The following FAM13C variants were observed in gnomAD, a reference collection of about 807,000 sequenced individuals.
FAM13C encodes family with sequence similarity 13 member C, also known as protein FAM13C.
Under a neutral mutation model 73.2 loss-of-function variants are expected in FAM13C, and 37 were observed. The ratio of observed to expected loss-of-function variants is 0.51; its 90% CI spans 0.39 to 0.67. FAM13C has a LOEUF of 0.67. Ranked by LOEUF, FAM13C falls within the 30% of genes least tolerant of loss-of-function variation. The pLI, the probability that FAM13C is intolerant of heterozygous loss-of-function variation, is 0.00. For missense variants in FAM13C, 589 were observed against 715.6 expected (o/e 0.82, Z 2.02); for synonymous variants, 246 against 260.9 (o/e 0.94, Z 0.55).
chr10:59,279,745 A>G (rs148166878), intron 6 of FAM13C, among the ~76,000 whole-genome samples: 70 of 152,368 alleles, frequency 4.6e-4, no homozygotes, highest in African/African-American at 1.7e-3. Flanking sequence ...CTTCAGCTGT[A>G]AGAAGATATT....
chr10:59,330,179 ATT>A (rs1451904107), intron 3 of FAM13C, among the ~76,000 whole-genome samples: 1 of 152,222 alleles, frequency 6.6e-6, no homozygotes, highest in Non-Finnish European at 1.5e-5. Flanking sequence ...CTTAAAAGTG[ATT>A]TAATACTTTA....
At position 59,302,879 on chromosome 10, in the gene FAM13C, G is replaced by T. The variant is rs778420995; in HGVS notation, c.444-15C>A. ...TCTGGTCTATTCTATAAAATACAAA[G>T]AAAAATTATTTCCATTTAAAAGAAA... On this transcript the variant is annotated splice_polypyrimidine_tract_variant and intron_variant, in intron 4 of 13. Coordinates refer to ENST00000618804, the MANE Select transcript of FAM13C (RefSeq NM_198215.4). The T allele has an allele frequency of 6.2e-7, 1 of 1,609,080 alleles. No individual in the cohort carries two copies. Among genetic ancestry groups the T allele is most frequent in the Non-Finnish European group, 8.5e-7 (1 of 1,178,120 alleles).
At chr10:59,300,406 T>G (rs1200286925) in intron 5 of FAM13C, among the ~76,000 whole-genome samples, 1 of 152,176 alleles carries the variant, frequency 6.6e-6, no homozygotes, top group African/African-American at 2.4e-5. Context: ...AGAGTGCAGT[T>G]ATGGAACTGG....
chr10:59,280,644 T>C (rs147478986), intron 6 of FAM13C, among the ~76,000 whole-genome samples: 37 of 152,334 alleles, frequency 2.4e-4, no homozygotes, highest in Non-Finnish European at 4.3e-4. Flanking sequence ...AATCTCCACA[T>C]TGGAAAAGCT....
At chr10:59,273,278 TTAAGA>T (rs1262306642) in intron 6 of FAM13C, among the ~76,000 whole-genome samples, 1 of 152,196 alleles carries the variant, frequency 6.6e-6, no homozygotes, top group Non-Finnish European at 1.5e-5. Flanking sequence ...TGGTGAAATC[TTAAGA>T]TAAAGCATAG....
Position 59,279,778 on chromosome 10 carries a change from G to T in FAM13C, c.592+3585C>A, listed in dbSNP as rs141948326. Among the ~76,000 whole-genome samples, 174 of 152,320 alleles carry T rather than the reference G, an allele frequency of 1.1e-3. 1 individual carries two copies. Among genetic ancestry groups the T allele is most frequent in the African/African-American group, 3.9e-3 (161 of 41,574 alleles). ...ATTGATAGAGTTAGAGGTATTTTGA[G>T]CCTATTATGTGGGTTTCTGCCTTAG... On this transcript the variant is annotated intron_variant, in intron 6 of 13. Coordinates refer to ENST00000618804, the MANE Select transcript of FAM13C (RefSeq NM_198215.4).
intron 2 of FAM13C, among the ~76,000 whole-genome samples, chr10:59,352,718 A>G (rs545226533): frequency 6.6e-6 from 1 of 152,324 alleles, no homozygotes; most frequent in East Asian, 1.9e-4. Flanking sequence ...GTGTAACTAT[A>G]CACATATCAT....
At chr10:59,333,332 C>T (rs1428982720) in intron 3 of FAM13C, among the ~76,000 whole-genome samples, 1 of 151,924 alleles carries the variant, frequency 6.6e-6, no homozygotes, top group African/African-American at 2.4e-5. Flanking sequence ...ACTAAAAATA[C>T]AAAAAATTAG....
At chr10:59,349,602 C>CAAA (rs80331289) in intron 3 of FAM13C, among the ~76,000 whole-genome samples, 22,880 of 146,450 alleles carry the variant, frequency 0.16, 1,935 homozygotes, top group East Asian at 0.32. Flanking sequence ...ACTAAAAATA[C>CAAA]AAAAAAAAAA....
At chr10:59,271,523 G>A (rs1843715503) in intron 6 of FAM13C, among the ~76,000 whole-genome samples, 1 of 152,182 alleles carries the variant, frequency 6.6e-6, no homozygotes, top group South Asian at 2.1e-4. Context: ...AAAAGAGTTG[G>A]AGGGAGGCAA....
intron 4 of FAM13C, among the ~76,000 whole-genome samples, chr10:59,312,173 C>T (rs112612264): frequency 0.012 from 1,894 of 152,264 alleles, 45 homozygotes; most frequent in African/African-American, 0.042. Context: ...TTTGTAACTA[C>T]GTATCACACT....
intron 3 of FAM13C, among the ~76,000 whole-genome samples, chr10:59,336,581 T>A (rs568590713): frequency 6.6e-6 from 1 of 152,200 alleles, no homozygotes; most frequent in African/African-American, 2.4e-5. Context: ...GCCCATGTCC[T>A]AGCTGAAAGG....
intron 9 of FAM13C, among the ~76,000 whole-genome samples, chr10:59,263,546 T>G (rs1050993194): frequency 2.6e-5 from 4 of 152,100 alleles, no homozygotes; most frequent in African/African-American, 7.2e-5. Flanking sequence ...AATTTTTTAT[T>G]GGTAAATTAT....
intron 3 of FAM13C, among the ~76,000 whole-genome samples, chr10:59,325,711 C>T (rs1394271521): frequency 6.6e-6 from 1 of 152,090 alleles, no homozygotes; most frequent in Non-Finnish European, 1.5e-5. Context: ...TCCACAAGTG[C>T]CTGCCAATTG....
intron 5 of FAM13C, among the ~76,000 whole-genome samples, chr10:59,292,038 T>C (rs1440261501): frequency 1.3e-5 from 2 of 152,142 alleles, no homozygotes; most frequent in African/African-American, 4.8e-5. Context: ...TCCGCCCACC[T>C]TGGCCTCCCA....
chr10:59,346,421 C>T (rs1277728455), intron 3 of FAM13C, among the ~76,000 whole-genome samples: 1 of 152,202 alleles, frequency 6.6e-6, no homozygotes, highest in Admixed American at 6.5e-5. Context: ...CTTAACACAT[C>T]TACAGGGCCA....
At chr10:59,339,620 A>G (rs1853225608) in intron 3 of FAM13C, among the ~76,000 whole-genome samples, 1 of 152,150 alleles carries the variant, frequency 6.6e-6, no homozygotes, top group Non-Finnish European at 1.5e-5. Context: ...AACTTACAAG[A>G]GGGAAAACAA....
intron 5 of FAM13C, among the ~76,000 whole-genome samples, chr10:59,289,777 A>G (rs1219982215): frequency 1.3e-5 from 2 of 152,094 alleles, no homozygotes; most frequent in African/African-American, 4.8e-5. Context: ...CCCTCTACAG[A>G]AAGATGAGGG....
At chr10:59,318,692 G>C (rs1164639038) in intron 4 of FAM13C, among the ~76,000 whole-genome samples, 2 of 151,406 alleles carry the variant, frequency 1.3e-5, no homozygotes, top group Admixed American at 6.6e-5. Context: ...CAGTGAAGGA[G>C]AGCCCTCCTT....
Sources: gnomAD v4.1 joint callset for allele counts (sites outside exome capture counted in the v4.1 genomes callset) on GRCh38, gnomAD v4.1.1 for gene constraint, MANE v1.5 for transcripts, NCBI Gene and HGNC (gene_info 2026-07-23, HGNC 2026-07-21) for gene names.